PRKCA: variants seen among roughly 807,000 people sequenced by gnomAD.
PRKCA encodes protein kinase C alpha, also known as protein kinase C alpha type.
PRKCA carries 27 observed loss-of-function variants against 87.0 expected under a neutral mutation model. The observed-to-expected ratio is 0.31, with a 90% CI of 0.23 to 0.43. PRKCA has a LOEUF of 0.43. Ranked by LOEUF, PRKCA falls within the 20% of genes least tolerant of loss-of-function variation. The probability of loss-of-function intolerance (pLI) is 1.00; values close to 1 mark genes in which losing one functional copy is unlikely to be tolerated. For synonymous variants in PRKCA, 329 were observed against 311.1 expected (o/e 1.06, Z -0.61); for missense variants, 518 against 852.3 (o/e 0.61, Z 4.88).
At chr17:66,303,160 G>A in intron 1 of PRKCA, 136 bp downstream of exon 1, 1 of 1,210,938 alleles carries the variant, frequency 8.3e-7, no homozygotes. Context: ...CTCTTCGCCC[G>A]GAGTGACACG....
intron 14 of PRKCA, among the ~76,000 whole-genome samples, chr17:66,778,845 CAAAA>C (rs1231493421): frequency 3.3e-5 from 2 of 61,298 alleles, no homozygotes; most frequent in Non-Finnish European, 3.3e-5. Flanking sequence ...ACCCTGTCTC[CAAAA>C]AAAAAAAAAA....
chr17:66,399,890 G>A (rs1300131788), intron 2 of PRKCA, among the ~76,000 whole-genome samples: 1 of 152,074 alleles, frequency 6.6e-6, no homozygotes, highest in Non-Finnish European at 1.5e-5. Flanking sequence ...TCAGATTGGG[G>A]ATTTTTTTAG....
At chr17:66,462,787 T>G (rs1044136872) in intron 2 of PRKCA, among the ~76,000 whole-genome samples, 2 of 152,148 alleles carry the variant, frequency 1.3e-5, no homozygotes, top group East Asian at 1.9e-4. Context: ...CTAAGAGGAA[T>G]GAAATGTCCT....
At chr17:66,658,673 A>G (rs1191081273) in intron 5 of PRKCA, among the ~76,000 whole-genome samples, 3 of 152,200 alleles carry the variant, frequency 2.0e-5, no homozygotes, top group South Asian at 2.1e-4. Context: ...AATCCCAACT[A>G]TAGCACTAAT....
chr17:66,411,254 T>TG, intron 2 of PRKCA, among the ~76,000 whole-genome samples: 1 of 151,158 alleles, frequency 6.6e-6, no homozygotes, highest in Non-Finnish European at 1.5e-5. Flanking sequence ...TTTTTTTTTT[T>TG]TTTTAAGATA....
At chr17:66,713,235 A>G (rs1169652692) in intron 8 of PRKCA, among the ~76,000 whole-genome samples, 1 of 151,816 alleles carries the variant, frequency 6.6e-6, no homozygotes, top group Non-Finnish European at 1.5e-5. Context: ...TACTTTTTGT[A>G]AAGAAGGGGT....
At chr17:66,319,746 T>A (rs58866254) in intron 2 of PRKCA, among the ~76,000 whole-genome samples, 94 of 107,358 alleles carry the variant, frequency 8.8e-4, no homozygotes, top group East Asian at 6.2e-3. Context: ...TTTTTTTTTT[T>A]TAATTTTTTA....
intron 3 of PRKCA, among the ~76,000 whole-genome samples, chr17:66,519,494 C>T (rs1967086023): frequency 6.6e-6 from 1 of 152,166 alleles, no homozygotes; most frequent in Non-Finnish European, 1.5e-5. Context: ...CTGGGACTAT[C>T]TCTTGCCTCC....
intron 3 of PRKCA, among the ~76,000 whole-genome samples, chr17:66,535,216 T>G (rs929702792): frequency 4.0e-5 from 6 of 151,766 alleles, no homozygotes; most frequent in South Asian, 2.1e-4. Context: ...ATTCCCACTT[T>G]TAACCACCCT....
At chr17:66,674,850 C>T (rs937126818) in intron 5 of PRKCA, among the ~76,000 whole-genome samples, 8 of 152,218 alleles carry the variant, frequency 5.3e-5, no homozygotes, top group African/African-American at 1.9e-4. Context: ...CAACTCTCAC[C>T]TGTCCTGTCG....
chr17:66,742,802 A>G (rs1974185660), intron 13 of PRKCA, 42 bp downstream of exon 13: 10 of 1,603,682 alleles, frequency 6.2e-6, no homozygotes, highest in Non-Finnish European at 8.5e-6. Context: ...GGACTCCCAA[A>G]CTGTAAACGC....
chr17:66,456,550 C>T (rs1567838644), intron 2 of PRKCA, among the ~76,000 whole-genome samples: 1 of 152,176 alleles, frequency 6.6e-6, no homozygotes, highest in Non-Finnish European at 1.5e-5. Flanking sequence ...GATGATAGAT[C>T]TCTAAAACTC....
chr17:66,560,578 G>C (rs957582295), intron 3 of PRKCA, among the ~76,000 whole-genome samples: 1 of 152,142 alleles, frequency 6.6e-6, no homozygotes, highest in South Asian at 2.1e-4. Context: ...TTTCTCTTCT[G>C]TAAGATGGGA....
intron 3 of PRKCA, among the ~76,000 whole-genome samples, chr17:66,513,718 A>C (rs987492520): frequency 6.6e-6 from 1 of 152,218 alleles, no homozygotes; most frequent in Admixed American, 6.5e-5. Context: ...GATAAAATAC[A>C]TGCAGCCATT....
intron 2 of PRKCA, among the ~76,000 whole-genome samples, chr17:66,426,742 A>G (rs1045206415): frequency 6.6e-6 from 1 of 152,180 alleles, no homozygotes; most frequent in African/African-American, 2.4e-5. Context: ...GTGAGCAGGT[A>G]ACTTCTGAGA....
At chr17:66,743,980 C>G (rs1974214975) in intron 13 of PRKCA, among the ~76,000 whole-genome samples, 1 of 152,082 alleles carries the variant, frequency 6.6e-6, no homozygotes, top group Admixed American at 6.5e-5. Context: ...GGGATAATAT[C>G]CTCCTTGTAG....
chr17:66,407,104 T>G (rs1911455790), intron 2 of PRKCA, among the ~76,000 whole-genome samples: 1 of 152,174 alleles, frequency 6.6e-6, no homozygotes, highest in Non-Finnish European at 1.5e-5. Flanking sequence ...GACACCTTGT[T>G]GAAGTATGAG....
At chr17:66,686,973 G>A in intron 5 of PRKCA, 138 bp from the exon 6 acceptor site, 1 of 751,154 alleles carries the variant, frequency 1.3e-6, no homozygotes, top group Non-Finnish European at 2.2e-6. Flanking sequence ...TCGAGTGTTA[G>A]AGGCTTTTGG....
At chr17:66,702,984 G>A (rs1973099439) in intron 8 of PRKCA, among the ~76,000 whole-genome samples, 1 of 152,132 alleles carries the variant, frequency 6.6e-6, no homozygotes, top group Non-Finnish European at 1.5e-5. Context: ...CTAGTATAGG[G>A]CACTTACCCT....
Sources: allele counts gnomAD v4.1 joint callset (sites outside exome capture counted in the v4.1 genomes callset), GRCh38; gene constraint gnomAD v4.1.1; transcripts MANE v1.5; gene names NCBI Gene and HGNC (gene_info 2026-07-23, HGNC 2026-07-21).